Variants in LCLAT1 observed in about 807,000 individuals in gnomAD.
The protein encoded by LCLAT1 is lysocardiolipin acyltransferase 1, also known as 1-AGP acyltransferase 8.
LCLAT1 carries 11 observed loss-of-function variants against 30.7 expected under a neutral mutation model. The ratio of observed to expected loss-of-function variants is 0.36; its 90% CI spans 0.23 to 0.59. The LOEUF (loss-of-function observed/expected upper bound fraction) is 0.59. Ranked by LOEUF, LCLAT1 falls within the 20% of genes least tolerant of loss-of-function variation. The pLI is 0.77. For missense variants in LCLAT1, 402 were observed against 458.6 expected (o/e 0.88, Z 1.13); for synonymous variants, 155 against 151.3 (o/e 1.02, Z -0.18).
At chr2:30,609,648 A>G (rs569823912) in intron 5 of LCLAT1, among the ~76,000 whole-genome samples, 74 of 152,256 alleles carry the variant, frequency 4.9e-4, no homozygotes, top group African/African-American at 1.7e-3. Context: ...TTATACCAGG[A>G]TAGCCTTTTT....
intron 5 of LCLAT1, chr2:30,606,057 G>C: frequency 7.7e-7 from 1 of 1,293,542 alleles, no homozygotes; most frequent in Non-Finnish European, 1.0e-6. Flanking sequence ...ACTTCAAGGA[G>C]AACTACAAAT....
intron 5 of LCLAT1, among the ~76,000 whole-genome samples, chr2:30,600,371 G>A (rs1033401976): frequency 3.3e-5 from 5 of 152,152 alleles, no homozygotes; most frequent in Non-Finnish European, 5.9e-5. Flanking sequence ...CTAAAGCAGT[G>A]TTAAGAGGGA....
At chr2:30,606,600 A>C (rs1333749485) in intron 5 of LCLAT1, 1 of 145,356 alleles carries the variant, frequency 6.9e-6, no homozygotes, top group Non-Finnish European at 1.5e-5. Context: ...AGATGGATTA[A>C]AGACTTAAAT....
chr2:30,524,415 A>G (rs1412923531), intron 1 of LCLAT1, among the ~76,000 whole-genome samples: 1 of 152,178 alleles, frequency 6.6e-6, no homozygotes, highest in African/African-American at 2.4e-5. Context: ...CTAACTTGTC[A>G]TTGTTTTTAG....
chr2:30,547,397 A>G (rs1664473970), intron 3 of LCLAT1, among the ~76,000 whole-genome samples: 1 of 152,210 alleles, frequency 6.6e-6, no homozygotes, highest in South Asian at 2.1e-4. Context: ...ACTAAAGGTC[A>G]GAAGTAGTAT....
At chr2:30,578,725 T>C (rs1004911067) in intron 5 of LCLAT1, among the ~76,000 whole-genome samples, 1 of 152,172 alleles carries the variant, frequency 6.6e-6, no homozygotes, top group African/African-American at 2.4e-5. Context: ...GACCATGATA[T>C]GTTTCAGAAG....
intron 3 of LCLAT1, among the ~76,000 whole-genome samples, chr2:30,534,843 G>C (rs1049275541): frequency 3.3e-5 from 5 of 152,104 alleles, no homozygotes; most frequent in African/African-American, 1.2e-4. Context: ...TTGAAGATGT[G>C]TCTAAGATCT....
At chr2:30,452,542 C>T (rs1314385200) in intron 1 of LCLAT1, among the ~76,000 whole-genome samples, 2 of 152,168 alleles carry the variant, frequency 1.3e-5, no homozygotes, top group Non-Finnish European at 2.9e-5. Context: ...AATTAATGCA[C>T]AGTTGCAAAG....
intron 1 of LCLAT1, among the ~76,000 whole-genome samples, chr2:30,466,216 T>C (rs1369998434): frequency 1.3e-5 from 2 of 151,958 alleles, no homozygotes; most frequent in East Asian, 3.9e-4. Flanking sequence ...CGCTGTTTTT[T>C]CTGTGTTTTC....
rs1031815228 is a variant in LCLAT1, at chr2:30,461,831, C to T, written c.-5+14448C>T. 7.8e-5 allele frequency among the ~76,000 whole-genome samples: 11 copies of T among 140,312 alleles called. No homozygotes were observed. The East Asian group carries it at 1.3e-3, about 17-fold the overall frequency. The allele number at this position is 140,312 out of a possible 152,430, so 92.1% of individuals were successfully genotyped here. A position where few individuals can be genotyped will look rare whatever the true frequency, so the allele number is the denominator to read the frequency against. On this transcript the variant is annotated intron_variant, in intron 1 of 5. Transcript: ENST00000379509. ...TGTCGCCCAGGCTGGAGTGCAGTGG[C>T]GCGATCTCGGCTCACTGCAAGCTCC...
intron 1 of LCLAT1, among the ~76,000 whole-genome samples, chr2:30,496,786 G>A (rs1297613585): frequency 6.6e-6 from 1 of 152,090 alleles, no homozygotes; most frequent in African/African-American, 2.4e-5. Flanking sequence ...TAACAAGCAC[G>A]TACCTGCCCA....
chr2:30,569,619 C>T (rs2148452096), intron 5 of LCLAT1, among the ~76,000 whole-genome samples: 1 of 133,224 alleles, frequency 7.5e-6, no homozygotes, highest in South Asian at 2.4e-4. Flanking sequence ...GAAGTTCTTT[C>T]CCTAAATGGC....
chr2:30,521,492 C>CTTTTT (rs869093721), intron 1 of LCLAT1, among the ~76,000 whole-genome samples: 235 of 16,792 alleles, frequency 0.014, 19 homozygotes, highest in Non-Finnish European at 0.022. Context: ...ACTACTTCTT[C>CTTTTT]TTTTTTTTTT....
intron 5 of LCLAT1, among the ~76,000 whole-genome samples, chr2:30,622,625 C>T (rs1668316839): frequency 6.6e-6 from 1 of 152,196 alleles, no homozygotes; most frequent in Non-Finnish European, 1.5e-5. Flanking sequence ...TGGATTACAT[C>T]ACACAACTCT....
At chr2:30,459,555 G>C in intron 1 of LCLAT1, 1 of 1,226,852 alleles carries the variant, frequency 8.2e-7, no homozygotes, top group Admixed American at 1.7e-5. Flanking sequence ...TTCACAGGCT[G>C]AAAAACAGAG....
chr2:30,461,353 C>T (rs538930391), intron 1 of LCLAT1, among the ~76,000 whole-genome samples: 8 of 152,128 alleles, frequency 5.3e-5, no homozygotes, highest in Non-Finnish European at 1.0e-4. Context: ...TCATGTAATG[C>T]CCACCATGGT....
chr2:30,450,498 A>G (rs1231918430), intron 1 of LCLAT1, among the ~76,000 whole-genome samples: 1 of 150,746 alleles, frequency 6.6e-6, no homozygotes, highest in African/African-American at 2.4e-5. Flanking sequence ...CAAAAATGCT[A>G]GGATAATGGG....
chr2:30,599,114 T>G (rs1326074347), intron 5 of LCLAT1, among the ~76,000 whole-genome samples: 11 of 152,046 alleles, frequency 7.2e-5, no homozygotes, highest in Non-Finnish European at 1.5e-5. Flanking sequence ...CCCAAGTAGC[T>G]GGGAATACAG....
intron 5 of LCLAT1, among the ~76,000 whole-genome samples, chr2:30,586,112 T>C (rs777116569): frequency 6.6e-6 from 1 of 151,756 alleles, no homozygotes; most frequent in Non-Finnish European, 1.5e-5. Flanking sequence ...GACGTGATGG[T>C]GGGCACCTGT....
Sources: gnomAD v4.1 joint callset for allele counts (sites outside exome capture counted in the v4.1 genomes callset) on GRCh38, gnomAD v4.1.1 for gene constraint, MANE v1.5 for transcripts, NCBI Gene and HGNC (gene_info 2026-07-23, HGNC 2026-07-21) for gene names.